Variants in KCNMA1 observed in about 807,000 individuals in gnomAD.
KCNMA1 encodes Calcium-activated potassium channel subunit alpha-1.
Under a neutral mutation model 140.0 loss-of-function variants are expected in KCNMA1, and 29 were observed. The ratio of observed to expected loss-of-function variants is 0.21; its 90% CI spans 0.15 to 0.28. KCNMA1 has a LOEUF of 0.28. Among genes scored for constraint, KCNMA1 ranks in the 10% least tolerant of loss-of-function variants. The pLI is 1.00. For missense variants in KCNMA1, 880 were observed against 1,602.2 expected, an observed-to-expected ratio of 0.55 and a Z score of 7.70; for synonymous variants, 612 against 611.9, an observed-to-expected ratio of 1.00 and a Z score of 0.00.
intron 5 of KCNMA1, among the ~76,000 whole-genome samples, chr10:77,145,338 T>C (rs1293989464): frequency 6.6e-6 from 1 of 152,182 alleles, no homozygotes; most frequent in Non-Finnish European, 1.5e-5. Context: ...TCTTATAAAT[T>C]TGAAATATTT....
intron 2 of KCNMA1, among the ~76,000 whole-genome samples, chr10:77,256,899 T>G (rs554460680): frequency 1.2e-4 from 18 of 152,092 alleles, no homozygotes; most frequent in African/African-American, 3.9e-4. Context: ...AGCTCAGGAG[T>G]TCGAGACCAG....
chr10:76,979,544 A>T (rs1278539241), intron 19 of KCNMA1: 1 of 151,804 alleles, frequency 6.6e-6, no homozygotes, highest in Non-Finnish European at 1.5e-5. Context: ...TTTCATTTCC[A>T]TTTTCACTTT....
At chr10:77,345,458 A>G (rs987344316) in intron 2 of KCNMA1, among the ~76,000 whole-genome samples, 4 of 152,226 alleles carry the variant, frequency 2.6e-5, no homozygotes, top group African/African-American at 9.7e-5. Flanking sequence ...CTTCTGACTT[A>G]GTGAGTCTAG....
At chr10:77,219,797 T>C (rs1382733083) in intron 3 of KCNMA1, among the ~76,000 whole-genome samples, 2 of 152,162 alleles carry the variant, frequency 1.3e-5, no homozygotes, top group Non-Finnish European at 2.9e-5. Context: ...TTTAGCAACC[T>C]CAAGTCTTAA....
intron 3 of KCNMA1, among the ~76,000 whole-genome samples, chr10:77,239,547 TGA>T (rs1428737344): frequency 1.3e-5 from 2 of 152,200 alleles, no homozygotes; most frequent in Admixed American, 6.5e-5. Flanking sequence ...TATTTCTTCC[TGA>T]GAGTGTCCTG....
In KCNMA1 at chr10:77,485,700, G is replaced by C. The variant is rs115248917; in HGVS notation, c.379-81677C>G. On this transcript the variant is annotated intron_variant, in intron 1 of 27. Transcript: ENST00000286628. The stretch of plus-strand genomic sequence containing the variant: ...CTAACAAGCAAGAGCAGGAGACTGA[G>C]CCCTCACTTCTAAAGCAGCAGGAGG... Among the ~76,000 whole-genome samples the C allele has an allele frequency of 1.6e-3, 243 of 152,344 alleles. 1 individual carries two copies. The highest frequency in any genetic ancestry group is 5.7e-3 in the African/African-American group (235 of 41,586).
At chr10:77,405,580 T>A (rs1228782340) in intron 1 of KCNMA1, among the ~76,000 whole-genome samples, 1 of 134,100 alleles carries the variant, frequency 7.5e-6, no homozygotes, top group East Asian at 2.3e-4. Flanking sequence ...ACATGGGACA[T>A]GCTTATACTA....
chr10:77,135,126 T>C (rs890904306), intron 5 of KCNMA1, among the ~76,000 whole-genome samples: 8 of 147,792 alleles, frequency 5.4e-5, no homozygotes, highest in African/African-American at 7.5e-5. Context: ...TCAAAATATA[T>C]AGAGAACACA....
rs56364046 is a variant in KCNMA1 at position 77,482,991 on chromosome 10, T to TACACACACAC, written c.379-78978_379-78969dup. 4.7e-5 allele frequency among the ~76,000 whole-genome samples: 6 copies of TACACACACAC among 126,856 alleles called. 1 individual carries two copies. The highest frequency in any genetic ancestry group is 4.9e-5 in the Non-Finnish European group (3 of 61,524). The allele number at this position is 126,856 out of a possible 152,430, so 83.2% of individuals were successfully genotyped here. ...CTCTCTTCTCTCTCTCTCTCTCACATACACACACACACACACACACACACA... is the reference window on the plus strand; with the variant it reads ...CTCTCTTCTCTCTCTCTCTCTCACATACACACACACACACACACACACACACACACACACA... On this transcript the variant is annotated intron_variant, in intron 1 of 27. Transcript: ENST00000286628.
chr10:77,239,710 C>T (rs2056746882), intron 3 of KCNMA1, among the ~76,000 whole-genome samples: 1 of 152,188 alleles, frequency 6.6e-6, no homozygotes, highest in South Asian at 2.1e-4. Context: ...TCACTAACTG[C>T]CAAATTTCCA....
At chr10:77,414,135 A>C (rs2096681302) in intron 1 of KCNMA1, among the ~76,000 whole-genome samples, 1 of 152,186 alleles carries the variant, frequency 6.6e-6, no homozygotes, top group African/African-American at 2.4e-5. Flanking sequence ...TTTGTCTCAA[A>C]TGCAGGGAGC....
At chr10:77,562,299 T>C (rs1009010289) in intron 1 of KCNMA1, among the ~76,000 whole-genome samples, 1 of 152,196 alleles carries the variant, frequency 6.6e-6, no homozygotes, top group Non-Finnish European at 1.5e-5. Flanking sequence ...TTTTTTTTAG[T>C]AAGCACCTGA....
chr10:77,526,001 AG>A (rs2055461320), intron 1 of KCNMA1, among the ~76,000 whole-genome samples: 1 of 152,132 alleles, frequency 6.6e-6, no homozygotes, highest in Non-Finnish European at 1.5e-5. Context: ...GGGGCTTTGG[AG>A]AAAGATTTTC....
chr10:77,283,776 T>G (rs1239582510), intron 2 of KCNMA1, among the ~76,000 whole-genome samples: 2 of 152,160 alleles, frequency 1.3e-5, no homozygotes, highest in Admixed American at 1.3e-4. Context: ...CTTAACAATG[T>G]CAGTTAATGG....
chr10:77,456,023 T>A (rs1165001135), intron 1 of KCNMA1, among the ~76,000 whole-genome samples: 1 of 152,198 alleles, frequency 6.6e-6, no homozygotes, highest in African/African-American at 2.4e-5. Flanking sequence ...TCAAAGACAC[T>A]GCAAAAATTC....
At chr10:77,308,638 T>C (rs1313111976) in intron 2 of KCNMA1, among the ~76,000 whole-genome samples, 1 of 152,198 alleles carries the variant, frequency 6.6e-6, no homozygotes, top group African/African-American at 2.4e-5. Flanking sequence ...GTAAGTTTCC[T>C]AACACTGAGA....
At chr10:77,079,207 T>C (rs148375359) in intron 13 of KCNMA1, among the ~76,000 whole-genome samples, 22 of 150,854 alleles carry the variant, frequency 1.5e-4, no homozygotes, top group African/African-American at 5.4e-4. Context: ...GAGGTGGAGG[T>C]TGTGGGGAGT....
At chr10:76,989,484 G>A (rs1349216022) in intron 19 of KCNMA1, among the ~76,000 whole-genome samples, 1 of 152,114 alleles carries the variant, frequency 6.6e-6, no homozygotes, top group East Asian at 1.9e-4. Context: ...GAAGAAGGAA[G>A]ATAATCAGAG....
chr10:77,637,681 C>T lies in KCNMA1; in HGVS notation c.-39G>A, dbSNP rs1165998299. ...CAGCCGGCGCAGGGGCTCGGGGGAGCTCCTCCCGCCGCCAGCGCCACCCCA... is the reference window on the plus strand; with the variant it reads ...CAGCCGGCGCAGGGGCTCGGGGGAGTTCCTCCCGCCGCCAGCGCCACCCCA... On this transcript the variant is annotated 5_prime_UTR_variant, in exon 1 of 28. Transcript: ENST00000286628. 2 of 1,447,410 alleles carry T rather than the reference C, an allele frequency of 1.4e-6. No individual in the cohort carries two copies. The highest frequency in any genetic ancestry group is 2.6e-5 in the East Asian group (1 of 38,556). 89.7% of individuals were successfully genotyped at this position (1,447,410 alleles called of 1,614,324 possible). A position where few individuals can be genotyped will look rare whatever the true frequency, so the allele number is the denominator to read the frequency against.
Sources: gnomAD v4.1 joint callset for allele counts (sites outside exome capture counted in the v4.1 genomes callset) on GRCh38, gnomAD v4.1.1 for gene constraint, MANE v1.5 for transcripts, NCBI Gene and HGNC (gene_info 2026-07-23, HGNC 2026-07-21) for gene names.